TRIOBP: variants seen among roughly 807,000 people sequenced by gnomAD.
The protein encoded by TRIOBP is TRIO and F-actin binding protein, also known as TRIO and F-actin-binding protein.
Under a neutral mutation model 238.8 loss-of-function variants are expected in TRIOBP, and 169 were observed. That is an observed-to-expected ratio of 0.71 (90% CI 0.62 to 0.80). The LOEUF is 0.80. Among genes scored for constraint, TRIOBP ranks in the 30% least tolerant of loss-of-function variants. TRIOBP has a pLI of 0.00. For synonymous variants in TRIOBP, 1,150 were observed against 1,274.4 expected, an observed-to-expected ratio of 0.90 and a Z score of 2.08; for missense variants, 2,838 against 3,122.6, an observed-to-expected ratio of 0.91 and a Z score of 2.17.
chr22:37,755,268 A>G (rs1601656876), intron 14 of TRIOBP, 78 bp downstream of exon 14: 2 of 1,393,672 alleles, frequency 1.4e-6, no homozygotes, highest in African/African-American at 2.9e-5. Context: ...GGTGTTGAAC[A>G]TGGCTCACCA....
chr22:37,756,195 TCACA>T (rs1925912834), intron 15 of TRIOBP, among the ~76,000 whole-genome samples: 1 of 152,290 alleles, frequency 6.6e-6, no homozygotes, highest in African/African-American at 2.4e-5. Context: ...GTGTAGTGGC[TCACA>T]CCTGTAATCC....
At chr22:37,701,839 A>G (rs866826213) in intron 3 of TRIOBP, among the ~76,000 whole-genome samples, 1 of 152,248 alleles carries the variant, frequency 6.6e-6, no homozygotes, top group African/African-American at 2.4e-5. Context: ...TTAAGAAGAA[A>G]GGTAGAGGCT....
At position 37,726,369 on chromosome 22, in the gene TRIOBP, T is replaced by A; in HGVS notation, c.3813T>A (p.Thr1271=). 6.3e-7 allele frequency: 1 copy of A among 1,596,682 alleles called. No individual in the cohort carries two copies. ...TRHNLEREEY[T]VLADLPPPRR... ...ACAACTTGGAGCGGGAGGAGTACAC[T>A]GTGCTGGCCGACCTGCCCCCACCCA... The change falls in exon 7 of 24, where the codon ACT becomes ACA. Residue 1271 remains threonine, a synonymous_variant. Transcript: ENST00000644935.
In TRIOBP at chr22:37,715,830, C is replaced by T. The variant is rs748115979; in HGVS notation, c.524C>T (p.Pro175Leu). The T allele has an allele frequency of 2.9e-5, 46 of 1,613,892 alleles. No homozygotes were observed. The highest frequency in any genetic ancestry group is 1.6e-4 in the Middle Eastern group (1 of 6,078). The change falls in exon 6 of 24, where the codon CCG becomes CTG. Residue 175 changes from proline (P) to leucine (L), a missense_variant. Around this residue, in one of 5 missense-constraint regions of TRIOBP, gnomAD observed 535 missense variants for 537.3 expected, o/e 1.00. Coordinates refer to ENST00000644935, the MANE Select transcript of TRIOBP (RefSeq NM_001039141.3). ...TGGGACGAGCTCGCAGTGATGATCC[C>T]GAGGAGGCCTCGGGAGGGGCCGAGA... ...PSWDELAVMIPRRPREGPRAD... is the reference protein window; with the variant it reads ...PSWDELAVMILRRPREGPRAD...
rs1289814640 is a variant in TRIOBP at position 37,700,500 on chromosome 22, C to T, written c.-60-806C>T. On this transcript the variant is annotated intron_variant, in intron 2 of 23. Coordinates refer to ENST00000644935, the MANE Select transcript of TRIOBP (RefSeq NM_001039141.3). ...GCACAGTCATGGCTCACTGCAGCCTCGACCTCCCAGACTCAGGTGATCCTC... is the reference window on the plus strand; with the variant it reads ...GCACAGTCATGGCTCACTGCAGCCTTGACCTCCCAGACTCAGGTGATCCTC... 5.9e-5 allele frequency among the ~76,000 whole-genome samples: 9 copies of T among 151,468 alleles called. No homozygotes were observed. The South Asian group carries it at 1.0e-3, about 18-fold the overall frequency.
At chr22:37,716,251 A>G (rs1008334219) in intron 6 of TRIOBP, among the ~76,000 whole-genome samples, 1 of 151,780 alleles carries the variant, frequency 6.6e-6, no homozygotes, top group Non-Finnish European at 1.5e-5. Flanking sequence ...AGCTAAGATT[A>G]CAGGCTCCCG....
At chr22:37,770,174 C>T (rs1193367246) in intron 21 of TRIOBP, among the ~76,000 whole-genome samples, 1 of 145,340 alleles carries the variant, frequency 6.9e-6, no homozygotes, top group Non-Finnish European at 1.5e-5. Context: ...CGCGGTGGCT[C>T]ACGCCTGTAA....
At chr22:37,737,517 C>A (rs896679205) in intron 9 of TRIOBP, among the ~76,000 whole-genome samples, 4 of 151,872 alleles carry the variant, frequency 2.6e-5, no homozygotes, top group African/African-American at 9.7e-5. Context: ...AAAAATTAGC[C>A]GGGCGTGGTG....
Position 37,743,801 on chromosome 22 carries a change from A to ATGTGTGTGTGTGTGTG in TRIOBP, c.5322+2798_5322+2813dup, listed in dbSNP as rs71195050. 2.5e-3 allele frequency among the ~76,000 whole-genome samples: 291 copies of ATGTGTGTGTGTGTGTG among 114,160 alleles called. 1 individual carries two copies. The highest frequency in any genetic ancestry group is 8.8e-3 in the Middle Eastern group (2 of 226). 74.9% of individuals were successfully genotyped at this position (114,160 alleles called of 152,430 possible). On this transcript the variant is annotated intron_variant, in intron 11 of 23. Transcript: ENST00000644935. ...GGGGAAGGGGAGAAAGAGAGAGAGA[A>ATGTGTGTGTGTGTGTG]TGTGTGTGTGTGTGTGTGTGTGTGT... is the stretch of plus-strand genomic sequence containing the variant.
chr22:37,725,725 C>T lies in TRIOBP; in HGVS notation c.3169C>T (p.Pro1057Ser). 6.2e-7 allele frequency: 1 copy of T among 1,613,322 alleles called. No individual in the cohort carries two copies. The highest frequency in any genetic ancestry group is 8.5e-7 in the Non-Finnish European group (1 of 1,179,880). The change falls in exon 7 of 24, where the codon CCC becomes TCC. Residue 1057 changes from proline (P) to serine (S), a missense_variant. Physicochemically the swap from Pro to Ser is moderately conservative, Grantham distance 74. Coordinates refer to ENST00000644935, the MANE Select transcript of TRIOBP (RefSeq NM_001039141.3). ...GAGTGAACCGCCCCACCACGAGCCT[C>T]CCTATATACCACCTGCTGTGTGCAT... ...PESEPPHHEP[P>S]YIPPAVCIGH... is the part of the protein sequence containing the mutation.
intron 18 of TRIOBP, among the ~76,000 whole-genome samples, chr22:37,766,588 G>C (rs1167682824): frequency 6.6e-6 from 1 of 152,190 alleles, no homozygotes; most frequent in African/African-American, 2.4e-5. Flanking sequence ...GCTGTGAAAT[G>C]GATAAAAATC....
At chr22:37,769,918 C>T (rs1051909315) in intron 21 of TRIOBP, among the ~76,000 whole-genome samples, 6 of 151,698 alleles carry the variant, frequency 4.0e-5, no homozygotes, top group African/African-American at 1.5e-4. Flanking sequence ...TTGGTAGAGA[C>T]AAGTTTCACT....
intron 6 of TRIOBP, 93 bp from the exon 7 acceptor site, chr22:37,723,092 C>T: frequency 7.5e-7 from 1 of 1,338,404 alleles, no homozygotes; most frequent in South Asian, 1.3e-5. Context: ...TGGGGTTTGC[C>T]CTAATCACTG....
chr22:37,741,120 A>G, intron 11 of TRIOBP, 88 bp downstream of exon 11: 13 of 1,509,480 alleles, frequency 8.6e-6, no homozygotes, highest in Non-Finnish European at 1.2e-5. Flanking sequence ...CAAAGGAGAG[A>G]GAGTGGGGGC....
chr22:37,735,617 G>C (rs915598835), intron 9 of TRIOBP, among the ~76,000 whole-genome samples, 175 bp downstream of exon 9: 5 of 152,218 alleles, frequency 3.3e-5, no homozygotes, highest in African/African-American at 4.8e-5. Context: ...GCCCAACAAT[G>C]ATGATGAGCA....
At chr22:37,721,836 A>T (rs1386087638) in intron 6 of TRIOBP, among the ~76,000 whole-genome samples, 1 of 152,212 alleles carries the variant, frequency 6.6e-6, no homozygotes, top group Non-Finnish European at 1.5e-5. Context: ...CTAAAGCAGT[A>T]GCCAAGGGAC....
At chr22:37,700,032 C>A (rs1358604747) in intron 2 of TRIOBP, among the ~76,000 whole-genome samples, 2 of 151,876 alleles carry the variant, frequency 1.3e-5, no homozygotes, top group African/African-American at 4.8e-5. Flanking sequence ...GTGCGTGCTA[C>A]CACGCCCAGC....
At chr22:37,713,544 G>A in intron 5 of TRIOBP, 133 bp downstream of exon 5, 1 of 1,199,170 alleles carries the variant, frequency 8.3e-7, no homozygotes, top group East Asian at 2.4e-5. Context: ...TGGACCATTA[G>A]CTGGCAGCTC....
At chr22:37,733,815 C>G (rs5750485) in intron 8 of TRIOBP, among the ~76,000 whole-genome samples, 1 of 152,062 alleles carries the variant, frequency 6.6e-6, no homozygotes, top group Non-Finnish European at 1.5e-5. Flanking sequence ...GGATTACAGG[C>G]GTGTGCCACC....
Sources: gnomAD v4.1 joint callset for allele counts (sites outside exome capture counted in the v4.1 genomes callset) on GRCh38, gnomAD v4.1.1 for gene constraint, gnomAD v4.1.1 regional missense constraint, MANE v1.5 for transcripts, NCBI Gene and HGNC (gene_info 2026-07-23, HGNC 2026-07-21) for gene names.